GARIN1A: variants seen among roughly 807,000 people sequenced by gnomAD.
The protein encoded by GARIN1A is Golgi-associated RAB2 interactor protein 1A.
At chr7:128,683,133 C>T in the GARIN1A span, 1 of 1,611,632 alleles carries the variant, frequency 6.2e-7, no homozygotes, top group East Asian at 2.2e-5. Context: ...AGCCAGTTAC[C>T]TAGGAGAGCA....
At chr7:128,687,411 G>A in the GARIN1A span, 1 of 139,454 alleles carries the variant, frequency 7.2e-6, no homozygotes, top group African/African-American at 2.5e-5. Context: ...CTGCGGAGCC[G>A]ATCTTGGAAT....
the GARIN1A span, among the ~76,000 whole-genome samples, chr7:128,680,399 G>A: frequency 1.3e-5 from 2 of 152,150 alleles, no homozygotes; most frequent in African/African-American, 4.8e-5. Flanking sequence ...AATGAGGGAT[G>A]AGAAAATTAA....
At chr7:128,689,087 T>C in the GARIN1A span, among the ~76,000 whole-genome samples, 4 of 151,534 alleles carry the variant, frequency 2.6e-5, no homozygotes, top group African/African-American at 7.3e-5. Context: ...GCAGATGGAG[T>C]CTTGTTCACT....
At chr7:128,681,475 C>T in the GARIN1A span, among the ~76,000 whole-genome samples, 1 of 124,758 alleles carries the variant, frequency 8.0e-6, no homozygotes, top group African/African-American at 3.0e-5. Flanking sequence ...CCCCTCTCCT[C>T]TCCTCCTTTC....
chr7:128,700,811 C>T, the GARIN1A span, among the ~76,000 whole-genome samples: 1 of 151,902 alleles, frequency 6.6e-6, no homozygotes. Context: ...GCTCAGAGAG[C>T]AGAAAGCAGG....
chr7:128,678,014 T>TC, the GARIN1A span: 2 of 232,814 alleles, frequency 8.6e-6, no homozygotes, highest in African/African-American at 6.6e-5. Context: ...TAGAAATGTT[T>TC]CTTTTTTTTT....
At chr7:128,687,229 G>A in the GARIN1A span, 20,934 of 152,100 alleles carry the variant, frequency 0.14, 1,622 homozygotes, top group African/African-American at 0.2. Flanking sequence ...CCCAATTGTG[G>A]CTATTTGTTT....
the GARIN1A span, among the ~76,000 whole-genome samples, chr7:128,701,701 G>A: frequency 6.6e-6 from 1 of 152,056 alleles, no homozygotes; most frequent in African/African-American, 2.4e-5. Flanking sequence ...AGGTGATAGA[G>A]GCTAGGAGGG....
chr7:128,696,046 T>C, the GARIN1A span, among the ~76,000 whole-genome samples: 18 of 124,338 alleles, frequency 1.4e-4, 1 homozygote, highest in East Asian at 2.2e-3. Context: ...AAGGTCTCAC[T>C]CTATCACCCA....
chr7:128,690,136 C>T, the GARIN1A span, among the ~76,000 whole-genome samples: 1 of 152,216 alleles, frequency 6.6e-6, no homozygotes. Flanking sequence ...GAAACATGTG[C>T]TGTGTCCACT....
the GARIN1A span, chr7:128,682,906 A>G: frequency 1.5e-6 from 2 of 1,345,570 alleles, no homozygotes; most frequent in Non-Finnish European, 2.0e-6. Flanking sequence ...AATTTTAACA[A>G]TGTTTTCTTT....
the GARIN1A span, among the ~76,000 whole-genome samples, chr7:128,689,801 C>T: frequency 8.3e-5 from 11 of 133,184 alleles, no homozygotes; most frequent in African/African-American, 2.7e-4. Flanking sequence ...GGTCAGCCCC[C>T]GCCCAGCCAG....
the GARIN1A span, chr7:128,677,702 C>G: frequency 6.2e-7 from 1 of 1,613,736 alleles, no homozygotes; most frequent in Non-Finnish European, 8.5e-7. Context: ...AATTCTGGGT[C>G]CGCTTGGTGA....
chr7:128,692,375 C>T, the GARIN1A span, among the ~76,000 whole-genome samples: 1 of 152,218 alleles, frequency 6.6e-6, no homozygotes, highest in Non-Finnish European at 1.5e-5. Flanking sequence ...GAAGAAACAA[C>T]AGCCCTTGCT....
chr7:128,681,447 TCTCCCCTCCC>T, the GARIN1A span, among the ~76,000 whole-genome samples: 2 of 59,106 alleles, frequency 3.4e-5, no homozygotes, highest in East Asian at 5.3e-4. Flanking sequence ...CCTCCCCTCC[TCTCCCCTCCC>T]CTCCCCTCCC....
chr7:128,678,988 T>C, the GARIN1A span, among the ~76,000 whole-genome samples: 5 of 151,170 alleles, frequency 3.3e-5, no homozygotes, highest in South Asian at 6.2e-4. Context: ...ATGTAACGAT[T>C]GTTACATACA....
the GARIN1A span, among the ~76,000 whole-genome samples, chr7:128,701,997 T>C: frequency 6.6e-6 from 1 of 152,116 alleles, no homozygotes; most frequent in South Asian, 2.1e-4. Context: ...TGACCTTCTT[T>C]AAAGTGAAAA....
the GARIN1A span, among the ~76,000 whole-genome samples, chr7:128,674,290 T>TA: frequency 6.6e-6 from 1 of 152,026 alleles, no homozygotes; most frequent in African/African-American, 2.4e-5. Context: ...TTTGATTTTT[T>TA]AAAAAAAAAT....
the GARIN1A span, among the ~76,000 whole-genome samples, chr7:128,706,116 T>C: frequency 1.3e-5 from 2 of 152,180 alleles, no homozygotes; most frequent in South Asian, 2.1e-4. Context: ...ATTATCTGCT[T>C]TGACATTCAA....
Sources: allele counts gnomAD v4.1 joint callset (sites outside exome capture counted in the v4.1 genomes callset), GRCh38; gene constraint gnomAD v4.1.1; transcripts MANE v1.5; gene names NCBI Gene and HGNC (gene_info 2026-07-23, HGNC 2026-07-21).